The following XPO7 variants were observed in gnomAD, a reference collection of about 807,000 sequenced individuals.
The protein encoded by XPO7 is exportin 7, also known as exportin-7.
A neutral mutation model predicts 144.3 loss-of-function variants in XPO7; 21 were observed. That is an observed-to-expected ratio of 0.15 (90% CI 0.10 to 0.21). The LOEUF (loss-of-function observed/expected upper bound fraction) is 0.21. Among genes scored for constraint, XPO7 ranks in the 10% least tolerant of loss-of-function variants. XPO7 has a pLI of 1.00. For missense variants in XPO7, 808 were observed against 1,325.8 expected (o/e 0.61, Z 6.06); for synonymous variants, 580 against 499.6 (o/e 1.16, Z -2.15).
intron 13 of XPO7, 71 bp downstream of exon 13, chr8:21,985,762 C>G (rs759055344): frequency 3.7e-6 from 5 of 1,344,638 alleles, no homozygotes; most frequent in Non-Finnish European, 5.3e-6. Context: ...AGGGTCCTCT[C>G]CACTTACAGA....
chr8:21,930,695 T>C (rs1475742071), intron 1 of XPO7, among the ~76,000 whole-genome samples: 5 of 152,244 alleles, frequency 3.3e-5, no homozygotes, highest in Non-Finnish European at 7.3e-5. Flanking sequence ...ATAATAATTG[T>C]ACCGTAGGTG....
rs775604941 is a variant in XPO7, at chr8:21,999,583, G to C, written c.2691G>C (p.Leu897=). Residue 897 remains leucine (L), a synonymous_variant, in exon 24 of 28, where the codon CTG becomes CTC. Coordinates refer to ENST00000252512, the MANE Select transcript of XPO7 (RefSeq NM_015024.5). ...SQSYYSLLEV[L]TQDHMNFIAS... is the part of the protein sequence containing the mutation. ...CTTATTATTCACTACTGGAAGTCCT[G>C]ACCCAGGACCATATGAACTTTATTG... 18 of 1,613,870 alleles carry C rather than the reference G, an allele frequency of 1.1e-5. No individual in the cohort carries two copies. The highest frequency in any genetic ancestry group is 1.4e-5 in the Non-Finnish European group (16 of 1,179,910).
intron 1 of XPO7, among the ~76,000 whole-genome samples, chr8:21,927,149 G>A (rs1810483892): frequency 2.0e-5 from 3 of 152,076 alleles, no homozygotes; most frequent in South Asian, 4.1e-4. Context: ...CTGGGGGGGA[G>A]GCTAAGCTGG....
intron 1 of XPO7, among the ~76,000 whole-genome samples, chr8:21,926,497 T>C (rs985443643): frequency 1.3e-5 from 2 of 152,172 alleles, no homozygotes; most frequent in Non-Finnish European, 2.9e-5. Context: ...TATTTAAAAT[T>C]GTTTGCAAAG....
intron 9 of XPO7, among the ~76,000 whole-genome samples, chr8:21,980,614 C>G (rs552961921): frequency 1.3e-5 from 2 of 152,018 alleles, no homozygotes; most frequent in East Asian, 1.9e-4. Context: ...TCTACTAAAA[C>G]TACAAAAAAA....
intron 21 of XPO7, among the ~76,000 whole-genome samples, chr8:21,996,107 G>A (rs184248844): frequency 3.3e-5 from 5 of 152,312 alleles, no homozygotes; most frequent in Admixed American, 6.5e-5. Flanking sequence ...GAGCCACTGC[G>A]CCCATCTAAT....
In XPO7 at chr8:21,949,248, T is replaced by A. The variant is rs561853442; in HGVS notation, c.19-17609T>A. Among the ~76,000 whole-genome samples the A allele has an allele frequency of 6.6e-5, 10 of 152,316 alleles. No individual in the cohort carries two copies. The South Asian group carries it at 1.4e-3, about 22-fold the overall frequency. On this transcript the variant is annotated intron_variant, in intron 1 of 27. Transcript: ENST00000252512. ...GAAGTTTAATTTCTGCATTTATAATTAAGTGACTTTACTTCCTAGGGTAGC... is the reference window on the plus strand; with the variant it reads ...GAAGTTTAATTTCTGCATTTATAATAAAGTGACTTTACTTCCTAGGGTAGC...
At chr8:21,955,196 T>C (rs1051368612) in intron 1 of XPO7, among the ~76,000 whole-genome samples, 2 of 150,868 alleles carry the variant, frequency 1.3e-5, no homozygotes, top group African/African-American at 2.4e-5. Context: ...TTTTGGTCTT[T>C]TAATATTGTC....
intron 8 of XPO7, among the ~76,000 whole-genome samples, chr8:21,978,257 C>G (rs1185513206): frequency 6.6e-6 from 1 of 152,234 alleles, no homozygotes; most frequent in African/African-American, 2.4e-5. Flanking sequence ...AATTTGCATA[C>G]TTACCCTGAA....
chr8:21,934,841 G>A (rs981916441), intron 1 of XPO7, among the ~76,000 whole-genome samples: 5 of 152,232 alleles, frequency 3.3e-5, no homozygotes, highest in Admixed American at 3.3e-4. Context: ...TTAGGAAAAA[G>A]CATGGAGTGA....
rs1402037272 is a variant in XPO7 at position 21,999,286 on chromosome 8, T to C, written c.2624T>C (p.Ile875Thr). 1 of 1,612,944 alleles carries C rather than the reference T, an allele frequency of 6.2e-7. No homozygotes were observed. Among genetic ancestry groups the C allele is most frequent in the Non-Finnish European group, 8.5e-7 (1 of 1,179,862 alleles). Reference sequence around the variant, plus strand: ...ACCTTCATCAAGCTGCTCCTCTCTATTCCTCACAGTGATCTCTTGGTAAGC... The same window carrying C: ...ACCTTCATCAAGCTGCTCCTCTCTACTCCTCACAGTGATCTCTTGGTAAGC... ...LQTFIKLLLS[I>T]PHSDLLDYPK... The change falls in exon 23 of 28, where the codon ATT (isoleucine) becomes ACT (threonine). Residue 875 changes from isoleucine to threonine, a missense_variant. Transcript: ENST00000252512.
intron 1 of XPO7, among the ~76,000 whole-genome samples, chr8:21,937,793 C>CA (rs2117261819): frequency 6.6e-6 from 1 of 152,178 alleles, no homozygotes; most frequent in Non-Finnish European, 1.5e-5. Flanking sequence ...ATTTGTTAAG[C>CA]AGATATTATG....
intron 23 of XPO7, 109 bp downstream of exon 23, chr8:21,999,414 T>G (rs969499481): frequency 6.4e-6 from 10 of 1,570,998 alleles, no homozygotes; most frequent in African/African-American, 1.4e-5. Context: ...AGCTAGCTCC[T>G]TTTGCTCTAA....
intron 1 of XPO7, among the ~76,000 whole-genome samples, chr8:21,940,600 C>T (rs1810959155): frequency 6.6e-6 from 1 of 151,806 alleles, no homozygotes; most frequent in Admixed American, 6.6e-5. Flanking sequence ...CTCCCAGTAG[C>T]TGGAATTACA....
chr8:21,960,740 C>T (rs987870114), intron 1 of XPO7, among the ~76,000 whole-genome samples: 1 of 152,172 alleles, frequency 6.6e-6, no homozygotes, highest in Non-Finnish European at 1.5e-5. Context: ...GTTACTCACT[C>T]TCTTAGTCTT....
chr8:21,931,805 C>G (rs1810658975), intron 1 of XPO7, among the ~76,000 whole-genome samples: 1 of 152,188 alleles, frequency 6.6e-6, no homozygotes, highest in South Asian at 2.1e-4. Context: ...TATCCTCTAT[C>G]AACTGTTGTT....
At chr8:22,002,038 C>T in intron 24 of XPO7, 74 bp from the exon 25 acceptor site, 23 of 1,503,176 alleles carry the variant, frequency 1.5e-5, no homozygotes, top group Non-Finnish European at 2.0e-5. Flanking sequence ...TAATGGATCT[C>T]ACCCAAAGAT....
intron 1 of XPO7, among the ~76,000 whole-genome samples, chr8:21,957,139 A>G (rs1811561700): frequency 6.6e-6 from 1 of 151,948 alleles, no homozygotes; most frequent in Non-Finnish European, 1.5e-5. Context: ...CCTAAAGAGT[A>G]TGTCTGCACA....
chr8:21,978,736 A>C (rs148315070), intron 8 of XPO7, among the ~76,000 whole-genome samples: 3 of 152,268 alleles, frequency 2.0e-5, no homozygotes, highest in African/African-American at 7.2e-5. Context: ...GAGAGAGTTG[A>C]AGCTGTGTCT....
Sources: gnomAD v4.1 joint callset for allele counts (sites outside exome capture counted in the v4.1 genomes callset) on GRCh38, gnomAD v4.1.1 for gene constraint, MANE v1.5 for transcripts, NCBI Gene and HGNC (gene_info 2026-07-23, HGNC 2026-07-21) for gene names.